The following CDH4 variants were observed in gnomAD, a reference collection of about 807,000 sequenced individuals.
The protein encoded by CDH4 is cadherin-4.
Under a neutral mutation model 86.0 loss-of-function variants are expected in CDH4, and 33 were observed. The ratio of observed to expected loss-of-function variants is 0.38; its 90% confidence interval spans 0.29 to 0.51. The LOEUF is 0.51. CDH4 is among the 20% of genes least tolerant of loss of function. The pLI is 0.86. For missense variants in CDH4, 1,114 were observed against 1,307.4 expected (o/e 0.85, Z 2.28); for synonymous variants, 555 against 549.4 (o/e 1.01, Z -0.14).
At chr20:61,525,114 A>G (rs1323596996) in intron 2 of CDH4, among the ~76,000 whole-genome samples, 1 of 152,198 alleles carries the variant, frequency 6.6e-6, no homozygotes, top group Non-Finnish European at 1.5e-5. Context: ...TGCCTTTGCC[A>G]GACCTTGCCA....
chr20:61,252,607 C>A lies in CDH4; in HGVS notation c.57+37C>A, dbSNP rs371590837. On this transcript the variant is annotated intron_variant, in intron 1 of 15. Transcript: ENST00000614565. The surrounding 1 kb of genome is among the most constrained non-coding windows in gnomAD (Gnocchi z 4.4). ...CCTCCCGCCCCCGCCGTTCGGAAGC[C>A]CCGGGCAGCGGGAGGTCGTCCCCGG... 1.7e-6 allele frequency: 2 copies of A among 1,186,180 alleles called. No individual in the cohort carries two copies. Among genetic ancestry groups the A allele is most frequent in the Non-Finnish European group, 2.1e-6 (2 of 954,294 alleles). The allele number at this position is 1,186,180 out of a possible 1,614,324, so 73.5% of individuals were successfully genotyped here.
At chr20:61,526,181 C>T (rs1383831045) in intron 2 of CDH4, among the ~76,000 whole-genome samples, 1 of 152,126 alleles carries the variant, frequency 6.6e-6, no homozygotes. Flanking sequence ...TCCCCCTCCC[C>T]GGGTGGTTCT....
At chr20:61,885,943 GCTGAC>G (rs1984521767) in intron 7 of CDH4, among the ~76,000 whole-genome samples, 1 of 152,214 alleles carries the variant, frequency 6.6e-6, no homozygotes, top group Non-Finnish European at 1.5e-5. Flanking sequence ...TGGGAACAGC[GCTGAC>G]CTGAGAGGAG....
At chr20:61,533,169 G>A (rs1171542039) in intron 2 of CDH4, among the ~76,000 whole-genome samples, 3 of 152,162 alleles carry the variant, frequency 2.0e-5, no homozygotes, top group African/African-American at 7.2e-5. Context: ...GGGTGACTCA[G>A]GCCACTGAAC....
At chr20:61,471,498 A>T (rs1380062288) in intron 2 of CDH4, among the ~76,000 whole-genome samples, 12 of 143,814 alleles carry the variant, frequency 8.3e-5, no homozygotes, top group African/African-American at 1.1e-4. Flanking sequence ...TTTTTTTTGT[A>T]TTTTTTTTCA....
intron 6 of CDH4, among the ~76,000 whole-genome samples, chr20:61,868,191 TG>T (rs1983634200): frequency 6.6e-6 from 1 of 152,006 alleles, no homozygotes; most frequent in South Asian, 2.1e-4. Context: ...CATCCCACGG[TG>T]GGGGTGCAGA....
chr20:61,406,479 ACCATCTG>A lies in CDH4; in HGVS notation c.169+151551_169+151557del, dbSNP rs200217584. On this transcript the variant is annotated intron_variant, in intron 2 of 15. Coordinates refer to ENST00000614565, the MANE Select transcript of CDH4 (RefSeq NM_001794.5). ...ATCTGCCATCTGCTCTGCCTGGACC[ACCATCTG>A]CCATCTGCTCTGCCTGGACCACCAT... is the stretch of plus-strand genomic sequence containing the variant. Among the ~76,000 whole-genome samples, 6 of 125,434 alleles carry A rather than the reference ACCATCTG, an allele frequency of 4.8e-5. No homozygotes were observed. In the East Asian group the frequency reaches 7.7e-4, roughly 16 times the overall value. The allele number at this position is 125,434 out of a possible 152,430, so 82.3% of individuals were successfully genotyped here.
At chr20:61,300,543 G>A (rs4812294) in intron 2 of CDH4, among the ~76,000 whole-genome samples, 84,047 of 151,970 alleles carry the variant, frequency 0.55, 24,466 homozygotes, top group Admixed American at 0.65. Context: ...CTGCCCTGCC[G>A]GGCTCTCTTC....
At chr20:61,484,339 C>A in intron 2 of CDH4, among the ~76,000 whole-genome samples, 1 of 152,240 alleles carries the variant, frequency 6.6e-6, no homozygotes, top group Non-Finnish European at 1.5e-5. Flanking sequence ...CCCACCGCAA[C>A]CCCCACTTTC....
At chr20:61,528,507 C>T (rs2085929399) in intron 2 of CDH4, among the ~76,000 whole-genome samples, 1 of 142,974 alleles carries the variant, frequency 7.0e-6, no homozygotes, top group Non-Finnish European at 1.5e-5. Flanking sequence ...CAGTGGCTCA[C>T]ACCTGTAATC....
chr20:61,705,019 T>C, intron 2 of CDH4, among the ~76,000 whole-genome samples: 1 of 152,160 alleles, frequency 6.6e-6, no homozygotes, highest in Non-Finnish European at 1.5e-5. Context: ...CAGGAACGCG[T>C]TGGGGCTCAA....
At chr20:61,502,159 A>G (rs1391850383) in intron 2 of CDH4, among the ~76,000 whole-genome samples, 1 of 152,228 alleles carries the variant, frequency 6.6e-6, no homozygotes, top group Non-Finnish European at 1.5e-5. Context: ...ATCTAACCTG[A>G]GAAACCATCA....
chr20:61,662,147 C>T (rs866451540), intron 2 of CDH4, among the ~76,000 whole-genome samples: 2 of 152,124 alleles, frequency 1.3e-5, no homozygotes, highest in East Asian at 1.9e-4. Flanking sequence ...CCCCAACTGA[C>T]CCCCCTAATC....
intron 2 of CDH4, among the ~76,000 whole-genome samples, chr20:61,451,580 C>A (rs1029177240): frequency 6.6e-6 from 1 of 152,144 alleles, no homozygotes; most frequent in African/African-American, 2.4e-5. Context: ...CCTTTGCTTA[C>A]TGGGTAAAGG....
At position 61,585,988 on chromosome 20, in the gene CDH4, GTGA is replaced by G. The variant is rs1176342694; in HGVS notation, c.170-157563_170-157561del. On this transcript the variant is annotated intron_variant, in intron 2 of 15. Coordinates refer to ENST00000614565, the MANE Select transcript of CDH4 (RefSeq NM_001794.5). Reference sequence around the variant, plus strand: ...TGATGGTGATGATGTGATGATGATGGTGATGATGATGATGGTGATGGTGATTGT... The same window carrying G: ...TGATGGTGATGATGTGATGATGATGGTGATGATGATGGTGATGGTGATTGT... Among the ~76,000 whole-genome samples the G allele has an allele frequency of 8.2e-4, 116 of 140,804 alleles. 1 individual carries two copies. The South Asian group carries it at 0.023, about 28-fold the overall frequency. 92.4% of individuals were successfully genotyped at this position (140,804 alleles called of 152,430 possible).
intron 2 of CDH4, among the ~76,000 whole-genome samples, chr20:61,734,064 A>G (rs911157564): frequency 6.6e-6 from 1 of 152,124 alleles, no homozygotes. Flanking sequence ...GATGGGGGTA[A>G]AGGGTTAACC....
chr20:61,511,154 G>C (rs1164354880), intron 2 of CDH4, among the ~76,000 whole-genome samples: 1 of 152,180 alleles, frequency 6.6e-6, no homozygotes, highest in African/African-American at 2.4e-5. Flanking sequence ...ACTACATCAT[G>C]AGTGAATTAG....
At chr20:61,643,558 C>T (rs1203683036) in intron 2 of CDH4, among the ~76,000 whole-genome samples, 1 of 152,216 alleles carries the variant, frequency 6.6e-6, no homozygotes, top group Non-Finnish European at 1.5e-5. Context: ...CCAAGAGGTG[C>T]ATGTCCCATC....
At chr20:61,590,022 C>T (rs935919246) in intron 2 of CDH4, among the ~76,000 whole-genome samples, 1 of 151,750 alleles carries the variant, frequency 6.6e-6, no homozygotes, top group Non-Finnish European at 1.5e-5. Context: ...GGTGAGCACA[C>T]AGGCCCTGGG....
Sources: allele counts gnomAD v4.1 joint callset (sites outside exome capture counted in the v4.1 genomes callset), GRCh38; gene constraint gnomAD v4.1.1; non-coding constraint Gnocchi (gnomAD v3.1); transcripts MANE v1.5; gene names NCBI Gene and HGNC (gene_info 2026-07-23, HGNC 2026-07-21).